MAP7: variants seen among roughly 807,000 people sequenced by gnomAD.
MAP7 encodes microtubule associated protein 7.
Under a neutral mutation model 94.8 loss-of-function variants are expected in MAP7, and 52 were observed. The observed-to-expected ratio is 0.55, with a 90% CI of 0.44 to 0.69. The LOEUF (loss-of-function observed/expected upper bound fraction) is 0.69. MAP7 is among the 30% of genes least tolerant of loss of function. MAP7 has a pLI of 0.00. For missense variants in MAP7, 940 were observed against 964.6 expected (o/e 0.97, Z 0.34); for synonymous variants, 350 against 357.0 (o/e 0.98, Z 0.22).
chr6:136,351,759 C>T (rs1562299052), intron 16 of MAP7, among the ~76,000 whole-genome samples: 1 of 152,218 alleles, frequency 6.6e-6, no homozygotes, highest in African/African-American at 2.4e-5. Context: ...CCCATCATTC[C>T]TGTTCTGTGA....
intron 2 of MAP7, among the ~76,000 whole-genome samples, chr6:136,415,587 C>A (rs998070439): frequency 2.6e-5 from 4 of 152,216 alleles, no homozygotes; most frequent in African/African-American, 9.6e-5. Flanking sequence ...GTAATGCTTC[C>A]CCCTGTGAAG....
intron 1 of MAP7, among the ~76,000 whole-genome samples, chr6:136,433,561 T>G (rs922756583): frequency 3.3e-5 from 5 of 152,172 alleles, no homozygotes; most frequent in Non-Finnish European, 5.9e-5. Context: ...AGCGTAACAG[T>G]GAACAAAAGT....
chr6:136,468,953 A>G (rs2128932221), intron 1 of MAP7, among the ~76,000 whole-genome samples: 1 of 152,192 alleles, frequency 6.6e-6, no homozygotes, highest in South Asian at 2.1e-4. Flanking sequence ...GTGTGGAGAC[A>G]GTGCACCACT....
At chr6:136,406,636 C>T (rs988708194) in intron 3 of MAP7, among the ~76,000 whole-genome samples, 8 of 152,110 alleles carry the variant, frequency 5.3e-5, no homozygotes, top group African/African-American at 1.9e-4. Flanking sequence ...GCCTCACCAA[C>T]GTGGCAAAAT....
chr6:136,413,522 T>C (rs1291827704), intron 2 of MAP7, among the ~76,000 whole-genome samples: 1 of 143,086 alleles, frequency 7.0e-6, no homozygotes, highest in Non-Finnish European at 1.5e-5. Context: ...AGACACCGTC[T>C]CAGAAAAAAA....
intron 1 of MAP7, among the ~76,000 whole-genome samples, chr6:136,470,827 G>A (rs1442268613): frequency 6.6e-6 from 1 of 151,692 alleles, no homozygotes; most frequent in African/African-American, 2.4e-5. Context: ...CATATGGATA[G>A]GCTAAGCACT....
In MAP7 at chr6:136,428,978, T is replaced by C. The variant is rs542213696; in HGVS notation, c.68-7179A>G. Among the ~76,000 whole-genome samples, 5 of 152,244 alleles carry C rather than the reference T, an allele frequency of 3.3e-5. No individual in the cohort carries two copies. In the South Asian group the frequency reaches 1.0e-3, roughly 32 times the overall value. On this transcript the variant is annotated intron_variant, in intron 1 of 17. Coordinates refer to ENST00000354570, the MANE Select transcript of MAP7 (RefSeq NM_003980.6). ...TAGCAGTCATCAAAAAATAAGAAAA[T>C]GTATTCTTTTTCTTTTTACTAATCA...
chr6:136,420,760 C>T (rs1001573628), intron 2 of MAP7, among the ~76,000 whole-genome samples: 2 of 152,134 alleles, frequency 1.3e-5, no homozygotes, highest in Non-Finnish European at 2.9e-5. Flanking sequence ...TTGTTATTGT[C>T]TTTCCTCTAA....
chr6:136,487,668 G>A (rs1418547924), intron 1 of MAP7, among the ~76,000 whole-genome samples: 4 of 151,722 alleles, frequency 2.6e-5, no homozygotes, highest in African/African-American at 9.7e-5. Context: ...ATGAGCGTGC[G>A]ACTGAGCTCC....
Position 136,522,180 on chromosome 6 carries a change from A to G in MAP7, c.67+28162T>C, listed in dbSNP as rs536694230. ...TGCAGCACCTAAACAGTCTCTCCTA[A>G]GCCAGTCCTGAAGTCAGCATTACAA... On this transcript the variant is annotated intron_variant, in intron 1 of 17. Coordinates refer to ENST00000354570, the MANE Select transcript of MAP7 (RefSeq NM_003980.6). Among the ~76,000 whole-genome samples, 4 of 152,306 alleles carry G rather than the reference A, an allele frequency of 2.6e-5. No individual in the cohort carries two copies. The East Asian group carries it at 7.7e-4, about 29-fold the overall frequency.
At chr6:136,445,474 A>G (rs1455021002) in intron 1 of MAP7, among the ~76,000 whole-genome samples, 1 of 151,994 alleles carries the variant, frequency 6.6e-6, no homozygotes, top group African/African-American at 2.4e-5. Context: ...TGCATTGGCC[A>G]TTTCTTTGCA....
chr6:136,448,337 A>G (rs1799978557), intron 1 of MAP7, among the ~76,000 whole-genome samples: 1 of 152,246 alleles, frequency 6.6e-6, no homozygotes, highest in Admixed American at 6.5e-5. Flanking sequence ...TGGCAACACG[A>G]TTATTAAACA....
intron 1 of MAP7, among the ~76,000 whole-genome samples, chr6:136,425,918 A>C (rs1428354368): frequency 6.6e-6 from 1 of 152,186 alleles, no homozygotes; most frequent in Admixed American, 6.5e-5. Flanking sequence ...TCCATGGGAC[A>C]TCTTGAGCTC....
chr6:136,343,770 A>G lies in MAP7; in HGVS notation c.*458T>C, dbSNP rs1483603004. ...GCTCTTTGCAATAATATTTTAAAAAAACAGGCTTAAACTCTTCTCCTATTC... is the reference window on the plus strand; with the variant it reads ...GCTCTTTGCAATAATATTTTAAAAAGACAGGCTTAAACTCTTCTCCTATTC... On this transcript the variant is annotated 3_prime_UTR_variant, in exon 18 of 18. Coordinates refer to ENST00000354570, the MANE Select transcript of MAP7 (RefSeq NM_003980.6). 3 of 152,274 alleles carry G rather than the reference A, an allele frequency of 2.0e-5. No homozygotes were observed. The highest frequency in any genetic ancestry group is 6.5e-5 in the Admixed American group (1 of 15,278). 9.4% of individuals were successfully genotyped at this position (152,274 alleles called of 1,614,324 possible). A position where few individuals can be genotyped will look rare whatever the true frequency, so the allele number is the denominator to read the frequency against.
At chr6:136,351,636 G>A (rs1789241648) in intron 16 of MAP7, among the ~76,000 whole-genome samples, 1 of 152,220 alleles carries the variant, frequency 6.6e-6, no homozygotes, top group African/African-American at 2.4e-5. Context: ...CCATATTCAT[G>A]CTGAAGAATC....
chr6:136,368,267 G>T (rs1794831440), intron 8 of MAP7, among the ~76,000 whole-genome samples: 1 of 151,406 alleles, frequency 6.6e-6, no homozygotes, highest in Admixed American at 6.6e-5. Flanking sequence ...ACCCATTTGG[G>T]TACCACACAT....
At chr6:136,437,649 A>T (rs1029228644) in intron 1 of MAP7, among the ~76,000 whole-genome samples, 3 of 152,176 alleles carry the variant, frequency 2.0e-5, no homozygotes, top group African/African-American at 7.2e-5. Flanking sequence ...CAGTCATTTC[A>T]TAGGAGCCTA....
chr6:136,396,707 T>C (rs1157848497), intron 3 of MAP7, among the ~76,000 whole-genome samples: 4 of 152,190 alleles, frequency 2.6e-5, no homozygotes, highest in Non-Finnish European at 2.9e-5. Flanking sequence ...CCTGGGTAAA[T>C]TGCTTAACCT....
intron 1 of MAP7, among the ~76,000 whole-genome samples, chr6:136,438,416 A>C (rs1005128083): frequency 6.6e-6 from 1 of 152,218 alleles, no homozygotes; most frequent in Non-Finnish European, 1.5e-5. Flanking sequence ...CATCATGCTC[A>C]TTCCTGAGAA....
Sources: allele counts gnomAD v4.1 joint callset (sites outside exome capture counted in the v4.1 genomes callset), GRCh38; gene constraint gnomAD v4.1.1; transcripts MANE v1.5; gene names NCBI Gene and HGNC (gene_info 2026-07-23, HGNC 2026-07-21).